The following DNAAF2 variants were observed in gnomAD, a reference collection of about 807,000 sequenced individuals.
The protein encoded by DNAAF2 is dynein axonemal assembly factor 2, also known as protein kintoun.
Under a neutral mutation model 48.8 loss-of-function variants are expected in DNAAF2, and 58 were observed. The ratio of observed to expected loss-of-function variants is 1.19; its 90% confidence interval spans 0.96 to 1.48. The LOEUF (loss-of-function observed/expected upper bound fraction) is 1.48, where lower values mean the gene tolerates loss of function less well. Ranked by LOEUF, DNAAF2 falls within the 40% of genes most tolerant of loss-of-function variation. The probability of loss-of-function intolerance (pLI) is 0.00; values close to 1 mark genes in which losing one functional copy is unlikely to be tolerated. For missense variants in DNAAF2, 1,241 were observed against 1,116.1 expected (o/e 1.11, Z -1.59); for synonymous variants, 567 against 481.2 (o/e 1.18, Z -2.33).
At chr14:49,631,414 A>G (rs1031265586) in intron 1 of DNAAF2, among the ~76,000 whole-genome samples, 1 of 152,208 alleles carries the variant, frequency 6.6e-6, no homozygotes, top group African/African-American at 2.4e-5. Context: ...TCACGAGGTC[A>G]GGAGATCAAG....
chr14:49,626,179 G>T, intron 2 of DNAAF2, 131 bp from the exon 3 acceptor site: 2 of 702,016 alleles, frequency 2.8e-6, no homozygotes, highest in Non-Finnish European at 4.0e-6. Context: ...TATACATCCA[G>T]GCTTTCCTGT....
rs758890955 is a variant in DNAAF2 at position 49,635,052 on chromosome 14, C to T, written c.98G>A (p.Arg33Gln). Residue 33 changes from arginine to glutamine, a missense_variant, in exon 1 of 3, where the codon CGG (arginine) becomes CAG (glutamine). By Grantham distance (43) the Arg-to-Gln change is conservative. Coordinates refer to ENST00000298292, the MANE Select transcript of DNAAF2 (RefSeq NM_018139.3). ...LTSAFQDPEF[R>Q]RMFSQYAEEL... The stretch of plus-strand genomic sequence containing the variant: ...CTCGGCGTACTGGGAGAACATTCGC[C>T]GGAACTCCGGGTCCTGGAAGGCGGA... 1.9e-6 allele frequency: 3 copies of T among 1,584,512 alleles called. No individual in the cohort carries two copies. Among genetic ancestry groups the T allele is most frequent in the Admixed American group, 1.8e-5 (1 of 55,876 alleles).
At position 49,633,412 on chromosome 14, in the gene DNAAF2, A is replaced by G. The variant is rs771014541; in HGVS notation, c.1738T>C (p.Leu580=). The G allele has an allele frequency of 1.9e-6, 3 of 1,614,068 alleles. No individual in the cohort carries two copies. The highest frequency in any genetic ancestry group is 1.6e-4 in the Middle Eastern group (1 of 6,062). The change falls in exon 1 of 3, where the codon TTG becomes CTG. Residue 580 remains leucine, a synonymous_variant. Coordinates refer to ENST00000298292, the MANE Select transcript of DNAAF2 (RefSeq NM_018139.3). ...FFLQFAPENK[L]STTEPVISIS... ...CTAATCACAGGTTCTGTGGTACTCA[A>G]TTTATTCTCTGGAGCAAATTGCAAA...
chr14:49,634,166 A>G lies in DNAAF2; in HGVS notation c.984T>C (p.Asp328=). 3.7e-6 allele frequency: 6 copies of G among 1,604,084 alleles called. No homozygotes were observed. Among genetic ancestry groups the G allele is most frequent in the Non-Finnish European group, 5.1e-6 (6 of 1,176,376 alleles). The part of the protein sequence containing the change: ...LRLSLPYPVD[D]GRGKAQFNKA... ...TGTTGAATTGTGCCTTGCCGCGGCC[A>G]TCGTCCACTGGGTACGGGAGCGAGA... Residue 328 remains aspartate (D), a synonymous_variant, in exon 1 of 3, where the codon GAT becomes GAC. Coordinates refer to ENST00000298292, the MANE Select transcript of DNAAF2 (RefSeq NM_018139.3).
intron 2 of DNAAF2, 95 bp downstream of exon 2, chr14:49,627,917 T>C (rs542413565): frequency 7.8e-7 from 1 of 1,276,588 alleles, no homozygotes; most frequent in African/African-American, 1.6e-5. Flanking sequence ...ATTATGTAAA[T>C]TTTGTTTAAA....
Position 49,633,852 on chromosome 14 carries a change from G to C in DNAAF2, c.1298C>G (p.Pro433Arg). ...GCTCAAGTCCTGCTCCCCCGGCTTG[G>C]GGACACGCTCCTCTCCAGCTGCGGC... ...PPAAAGEERV[P>R]KPGEQDLSRH... Residue 433 changes from proline to arginine, a missense_variant, in exon 1 of 3, where the codon CCC (proline) becomes CGC (arginine). Physicochemically the swap from Pro to Arg is moderately radical, Grantham distance 103 (BLOSUM62 -2). Transcript: ENST00000298292. 6.4e-7 allele frequency: 1 copy of C among 1,556,424 alleles called. No homozygotes were observed. The highest frequency in any genetic ancestry group is 8.6e-7 in the Non-Finnish European group (1 of 1,158,700).
Position 49,626,016 on chromosome 14 carries a change from T to C in DNAAF2, c.2040A>G (p.Gln680=). 2 of 1,558,094 alleles carry C rather than the reference T, an allele frequency of 1.3e-6. No homozygotes were observed. The highest frequency in any genetic ancestry group is 1.7e-6 in the Non-Finnish European group (2 of 1,155,230). The change falls in exon 3 of 3, where the codon CAA becomes CAG. Residue 680 remains glutamine, a synonymous_variant. Coordinates refer to ENST00000298292, the MANE Select transcript of DNAAF2 (RefSeq NM_018139.3). Reference sequence around the variant, plus strand: ...CTTCATTTACTCTTTCCTCCTTTCCTTGTAGCTGATCAGAGTTACTACATT... The same window carrying C: ...CTTCATTTACTCTTTCCTCCTTTCCCTGTAGCTGATCAGAGTTACTACATT... ...LQECSNSDQL[Q]GKEERVNEES...
Position 49,634,769 on chromosome 14 carries a change from G to A in DNAAF2, c.381C>T (p.Pro127=). The part of the protein sequence containing the change: ...SHWSLPYSLA[P]GREYAGRSSS... ...TGCTGCGCCCCGCGTACTCGCGGCCGGGCGCCAGGCTGTAGGGCAGGGACC... is the reference window on the plus strand; with the variant it reads ...TGCTGCGCCCCGCGTACTCGCGGCCAGGCGCCAGGCTGTAGGGCAGGGACC... Residue 127 remains proline (P), a synonymous_variant, in exon 1 of 3, where the codon CCC becomes CCT. Coordinates refer to ENST00000298292, the MANE Select transcript of DNAAF2 (RefSeq NM_018139.3). 1.1e-5 allele frequency: 18 copies of A among 1,591,428 alleles called. No individual in the cohort carries two copies. Among genetic ancestry groups the A allele is most frequent in the Non-Finnish European group, 1.5e-5 (18 of 1,173,056 alleles).
In DNAAF2 at chr14:49,626,058, G is replaced by C; in HGVS notation, c.2008-10C>G. On this transcript the variant is annotated splice_polypyrimidine_tract_variant and intron_variant, in intron 2 of 2. Coordinates refer to ENST00000298292, the MANE Select transcript of DNAAF2 (RefSeq NM_018139.3). Reference sequence around the variant, plus strand: ...TACTACATTCTTGCAACTGTGTCAAGAGAAACAACAAATTAATAATTATTT... The same window carrying C: ...TACTACATTCTTGCAACTGTGTCAACAGAAACAACAAATTAATAATTATTT... 1 of 1,414,784 alleles carries C rather than the reference G, an allele frequency of 7.1e-7. No homozygotes were observed. The highest frequency in any genetic ancestry group is 9.2e-7 in the Non-Finnish European group (1 of 1,086,694). The allele number at this position is 1,414,784 out of a possible 1,614,324, so 87.6% of individuals were successfully genotyped here. A position where few individuals can be genotyped will look rare whatever the true frequency, so the allele number is the denominator to read the frequency against.
chr14:49,632,867 T>A (rs2139579723), intron 1 of DNAAF2, among the ~76,000 whole-genome samples: 1 of 152,272 alleles, frequency 6.6e-6, no homozygotes, highest in Non-Finnish European at 1.5e-5. Context: ...AACCACCAAT[T>A]GTCCATTTAT....
At position 49,633,561 on chromosome 14, in the gene DNAAF2, T is replaced by C. The variant is rs1419786871; in HGVS notation, c.1589A>G (p.Asp530Gly). ...PLCPPLLCNQ[D>G]KETLTLLIQV... ...AATGAGCAGAGTCAAGGTTTCTTTGTCCTGATTACACAGTAACGGAGGACA... is the reference window on the plus strand; with the variant it reads ...AATGAGCAGAGTCAAGGTTTCTTTGCCCTGATTACACAGTAACGGAGGACA... The change falls in exon 1 of 3, where the codon GAC becomes GGC. Residue 530 changes from aspartate to glycine, a missense_variant. Coordinates refer to ENST00000298292, the MANE Select transcript of DNAAF2 (RefSeq NM_018139.3). 9 of 1,613,922 alleles carry C rather than the reference T, an allele frequency of 5.6e-6. No individual in the cohort carries two copies. The highest frequency in any genetic ancestry group is 7.6e-6 in the Non-Finnish European group (9 of 1,179,904).
chr14:49,634,242 G>A lies in DNAAF2; in HGVS notation c.908C>T (p.Thr303Met). 1 of 1,612,378 alleles carries A rather than the reference G, an allele frequency of 6.2e-7. No individual in the cohort carries two copies. Among genetic ancestry groups the A allele is most frequent in the Non-Finnish European group, 8.5e-7 (1 of 1,179,788 alleles). Residue 303 changes from threonine to methionine, a missense_variant, in exon 1 of 3, where the codon ACG (threonine) becomes ATG (methionine). Transcript: ENST00000298292. ...RSAEQAALEV[T>M]RKLLCLDSRK... Reference sequence around the variant, plus strand: ...CGAGTCGAGGCACAGCAGCTTTCTCGTTACCTCCAGCGCCGCCTGCTCGGC... The same window carrying A: ...CGAGTCGAGGCACAGCAGCTTTCTCATTACCTCCAGCGCCGCCTGCTCGGC...
At chr14:49,629,693 T>TA (rs905882521) in intron 1 of DNAAF2, 1 of 151,874 alleles carries the variant, frequency 6.6e-6, no homozygotes, top group African/African-American at 2.4e-5. Flanking sequence ...TTTTTGTAGA[T>TA]ACAGGTCTCA....
At chr14:49,626,646 G>A (rs1883015053) in intron 2 of DNAAF2, among the ~76,000 whole-genome samples, 1 of 151,560 alleles carries the variant, frequency 6.6e-6, no homozygotes, top group African/African-American at 2.4e-5. Context: ...GGGGATTACA[G>A]GCATGCACCA....
intron 2 of DNAAF2, among the ~76,000 whole-genome samples, chr14:49,627,046 C>T (rs1016502750): frequency 1.3e-5 from 2 of 151,442 alleles, no homozygotes; most frequent in Middle Eastern, 3.2e-3. Context: ...TCGGGTGATC[C>T]GCCTGCCTCG....
At chr14:49,630,669 C>CCACA (rs71441237) in intron 1 of DNAAF2, among the ~76,000 whole-genome samples, 6,933 of 132,384 alleles carry the variant, frequency 0.052, 218 homozygotes, top group Middle Eastern at 0.059. Context: ...AACTCTCTCT[C>CCACA]CACACACACA....
Position 49,634,897 on chromosome 14 carries a change from C to G in DNAAF2, c.253G>C (p.Ala85Pro), listed in dbSNP as rs1041192624. Residue 85 changes from alanine to proline, a missense_variant, in exon 1 of 3, where the codon GCG (alanine) becomes CCG (proline). Coordinates refer to ENST00000298292, the MANE Select transcript of DNAAF2 (RefSeq NM_018139.3). The stretch of plus-strand genomic sequence containing the variant: ...CAGACATTCACAAAGCAGCGCCGCG[C>G]CCCGTCCAGGCTGGTGCGCAGCACA... ...GHVLRTSLDG[A>P]RRCFVNVCSN... 1 of 1,550,388 alleles carries G rather than the reference C, an allele frequency of 6.4e-7. No individual in the cohort carries two copies. Among genetic ancestry groups the G allele is most frequent in the East Asian group, 2.4e-5 (1 of 40,968 alleles).
chr14:49,634,324 G>C lies in DNAAF2; in HGVS notation c.826C>G (p.Pro276Ala), dbSNP rs1213369057. The C allele has an allele frequency of 3.7e-6, 6 of 1,611,660 alleles. No individual in the cohort carries two copies. The highest frequency in any genetic ancestry group is 1.1e-5 in the South Asian group (1 of 91,070). ...ACCAGCTCATGGGGCACGGGGCTCG[G>C]GGCTGAGTCCCTGGAGCAGCGGTAA... is the stretch of plus-strand genomic sequence containing the variant. ...QDYRCSRDSAPSPVPHELVIT... is the reference protein window; with the variant it reads ...QDYRCSRDSAASPVPHELVIT... The change falls in exon 1 of 3, where the codon CCG becomes GCG. Residue 276 changes from proline (P) to alanine (A), a missense_variant. By Grantham distance (27) the Pro-to-Ala change is conservative (BLOSUM62 -1). Transcript: ENST00000298292.
rs1439733262 is a variant in DNAAF2, at chr14:49,633,991, C to A, written c.1159G>T (p.Glu387Ter). Residue 387 changes from glutamate (E) to a stop codon, truncating the protein, a stop_gained, in exon 1 of 3, where the codon GAG becomes TAG. Transcript: ENST00000298292. LOFTEE classifies it high-confidence loss of function. ...GCGCGACTCCTCGCGGGTCCCGCCTCCCCCTCGCGAGCGGAAGCGCAGGCC... is the reference window on the plus strand; with the variant it reads ...GCGCGACTCCTCGCGGGTCCCGCCTACCCCTCGCGAGCGGAAGCGCAGGCC... Reference protein sequence around the residue: ...GQACASAREGEAGPARSRAED... With the variant: ...GQACASAREG 1.3e-6 allele frequency: 2 copies of A among 1,523,696 alleles called. No individual in the cohort carries two copies. The highest frequency in any genetic ancestry group is 1.8e-6 in the Non-Finnish European group (2 of 1,142,026). The allele number at this position is 1,523,696 out of a possible 1,614,324, so 94.4% of individuals were successfully genotyped here.
Sources: gnomAD v4.1 joint callset for allele counts (sites outside exome capture counted in the v4.1 genomes callset) on GRCh38, gnomAD v4.1.1 for gene constraint, MANE v1.5 for transcripts, NCBI Gene and HGNC (gene_info 2026-07-23, HGNC 2026-07-21) for gene names.